ABCC9: variants seen among roughly 807,000 people sequenced by gnomAD.
The protein encoded by ABCC9 is ATP-binding cassette sub-family C member 9.
Under a neutral mutation model 188.3 loss-of-function variants are expected in ABCC9, and 95 were observed. The ratio of observed to expected loss-of-function variants is 0.50; its 90% CI spans 0.43 to 0.60. The LOEUF is 0.60. Ranked by LOEUF, ABCC9 falls within the 20% of genes least tolerant of loss-of-function variation. The probability of loss-of-function intolerance (pLI) is 0.00; values close to 1 mark genes in which losing one functional copy is unlikely to be tolerated. For synonymous variants in ABCC9, 659 were observed against 652.7 expected, an observed-to-expected ratio of 1.01 and a Z score of -0.15; for missense variants, 1,102 against 1,876.3, an observed-to-expected ratio of 0.59 and a Z score of 7.62.
intron 22 of ABCC9, among the ~76,000 whole-genome samples, chr12:21,857,310 G>T (rs1358043093): frequency 1.3e-5 from 2 of 152,162 alleles, no homozygotes; most frequent in East Asian, 3.9e-4. Context: ...TGCTTGCTTG[G>T]CCTAGAGAAA....
chr12:21,919,071 A>G (rs2137945308), intron 5 of ABCC9, among the ~76,000 whole-genome samples: 1 of 152,230 alleles, frequency 6.6e-6, no homozygotes, highest in African/African-American at 2.4e-5. Context: ...TCAGAGGAAA[A>G]TTTACAGCTT....
chr12:21,840,093 C>G (rs1944304823), intron 29 of ABCC9, among the ~76,000 whole-genome samples: 1 of 152,158 alleles, frequency 6.6e-6, no homozygotes, highest in Non-Finnish European at 1.5e-5. Flanking sequence ...GGTGAGGGCA[C>G]AGCTTGATCT....
chr12:21,805,193 A>G lies in ABCC9; in HGVS notation c.4512+805T>C, dbSNP rs754437551. 8 of 1,613,956 alleles carry G rather than the reference A, an allele frequency of 5.0e-6. 1 individual carries two copies. In the African/African-American group the frequency reaches 8.0e-5, roughly 16 times the overall value. ...GATGGTCTACTTGTTGGTCATCACC[A>G]AAGTGGAAAAGAGGCCATTCTTGTG... On this transcript the variant is annotated intron_variant, in intron 39 of 39. Transcript: ENST00000261200.
intron 24 of ABCC9, among the ~76,000 whole-genome samples, chr12:21,849,094 G>A (rs1279593525): frequency 6.6e-6 from 1 of 151,996 alleles, no homozygotes; most frequent in South Asian, 2.1e-4. Flanking sequence ...CTTTTCTGTG[G>A]GGAAATGTAT....
intron 18 of ABCC9, among the ~76,000 whole-genome samples, chr12:21,871,500 T>C (rs1406427685): frequency 6.6e-6 from 1 of 152,198 alleles, no homozygotes; most frequent in Non-Finnish European, 1.5e-5. Flanking sequence ...CAAGAATTTT[T>C]TTTTCTTAAT....
intron 5 of ABCC9, among the ~76,000 whole-genome samples, chr12:21,919,588 G>C (rs1038481415): frequency 1.3e-5 from 2 of 151,576 alleles, no homozygotes; most frequent in Non-Finnish European, 2.9e-5. Flanking sequence ...AAAAGTATTA[G>C]ACATAACACT....
At chr12:21,911,181 A>G (rs566287468) in intron 8 of ABCC9, among the ~76,000 whole-genome samples, 17 of 151,756 alleles carry the variant, frequency 1.1e-4, no homozygotes, top group East Asian at 2.0e-4. Flanking sequence ...CTAATTGAAG[A>G]AAAAAAAGGT....
intron 8 of ABCC9, 98 bp from the exon 9 acceptor site, chr12:21,911,076 C>T (rs1188890610): frequency 8.6e-7 from 1 of 1,163,566 alleles, no homozygotes; most frequent in Non-Finnish European, 1.2e-6. Flanking sequence ...TATTTAAATA[C>T]AAAAATTCAA....
At chr12:21,911,684 C>T (rs531027921) in intron 8 of ABCC9, among the ~76,000 whole-genome samples, 274 of 152,060 alleles carry the variant, frequency 1.8e-3, no homozygotes, top group Non-Finnish European at 3.0e-3. Flanking sequence ...TGATTTAGAC[C>T]TAGTAGAATT....
intron 18 of ABCC9, among the ~76,000 whole-genome samples, chr12:21,868,072 G>A (rs974637241): frequency 3.3e-5 from 5 of 152,140 alleles, no homozygotes; most frequent in Non-Finnish European, 7.4e-5. Context: ...TGTGCACATT[G>A]GCATTCTGAC....
In ABCC9 at chr12:21,807,940, G is replaced by A. The variant is rs571579498; in HGVS notation, c.4316-461C>T. ...TGTAAGTACCAAGTGGATAAGGACC[G>A]GGTTTATTTTTTTTTTGTCAGAATG... On this transcript the variant is annotated intron_variant, in intron 37 of 39. Transcript: ENST00000261200. Among the ~76,000 whole-genome samples the A allele has an allele frequency of 3.9e-4, 59 of 151,734 alleles. No homozygotes were observed. The Middle Eastern group carries it at 0.01, about 26-fold the overall frequency.
intron 3 of ABCC9, among the ~76,000 whole-genome samples, chr12:21,936,305 T>C (rs921042457): frequency 6.6e-6 from 1 of 152,182 alleles, no homozygotes; most frequent in African/African-American, 2.4e-5. Flanking sequence ...AAAAAACTGC[T>C]GCTGCTACCT....
chr12:21,814,832 T>C, intron 34 of ABCC9, 110 bp from the exon 35 acceptor site: 1 of 836,906 alleles, frequency 1.2e-6, no homozygotes, highest in Non-Finnish European at 2.0e-6. Flanking sequence ...TAATTATGTT[T>C]AAATAATTAC....
rs4586220 is a variant in ABCC9, at chr12:21,936,414, G to A, written c.142+119C>T. 869,702 of 896,346 alleles carry A rather than the reference G, an allele frequency of 0.97. 422,001 individuals carry two copies. Among genetic ancestry groups the A allele is most frequent in the East Asian group, 1 (37,438 of 37,530 alleles). 55.5% of individuals were successfully genotyped at this position (896,346 alleles called of 1,614,324 possible). On this transcript the variant is annotated intron_variant, in intron 3 of 39. Transcript: ENST00000261200. ...AAAAACACAAAATACTTGCTTGTTC[G>A]TTTCTCACAGCCATCAGCTTCCATG...
chr12:21,890,984 A>T (rs704211), intron 14 of ABCC9, among the ~76,000 whole-genome samples: 40,039 of 146,192 alleles, frequency 0.27, 5,628 homozygotes, highest in East Asian at 0.5. Flanking sequence ...AATAAAATTT[A>T]AAAAAAAAAA....
At chr12:21,844,450 A>G in intron 28 of ABCC9, 33 bp downstream of exon 28, 2 of 1,562,346 alleles carry the variant, frequency 1.3e-6, no homozygotes, top group East Asian at 2.2e-5. Context: ...TGTGAAACTA[A>G]TTTTTGAACT....
intron 14 of ABCC9, among the ~76,000 whole-genome samples, chr12:21,891,784 A>G (rs149336423): frequency 1.5e-3 from 235 of 152,304 alleles, no homozygotes; most frequent in African/African-American, 5.4e-3. Context: ...CCTGAAGAGG[A>G]GATTTCAAAA....
intron 12 of ABCC9, among the ~76,000 whole-genome samples, chr12:21,896,079 C>CTTTTTTTTTTTTTTTTTTTTTTTTTTTT (rs5796933): frequency 7.8e-6 from 1 of 128,048 alleles, no homozygotes; most frequent in African/African-American, 2.9e-5. Context: ...ATCTAATTTT[C>CTTTTTTTTTTTTTTTTTTTTTTTTTTTT]TTTTTTTTTT....
At chr12:21,818,064 G>A (rs1180274256) in intron 32 of ABCC9, 86 bp downstream of exon 32, 1 of 926,916 alleles carries the variant, frequency 1.1e-6, no homozygotes, top group Non-Finnish European at 1.7e-6. Context: ...CTGTGCTCAT[G>A]TGTTCTCAAC....
Sources: gnomAD v4.1 joint callset for allele counts (sites outside exome capture counted in the v4.1 genomes callset) on GRCh38, gnomAD v4.1.1 for gene constraint, MANE v1.5 for transcripts, NCBI Gene and HGNC (gene_info 2026-07-23, HGNC 2026-07-21) for gene names.